The following DIAPH2 variants were observed in gnomAD, a reference collection of about 807,000 sequenced individuals.
DIAPH2 encodes the protein diaphanous related formin 2.
In DIAPH2, 35 loss-of-function variants were observed where a neutral mutation model predicts 92.7. The observed-to-expected ratio is 0.38, with a 90% CI of 0.29 to 0.50. The LOEUF (loss-of-function observed/expected upper bound fraction) is 0.50. DIAPH2 is among the 20% of genes least tolerant of loss of function. The probability of loss-of-function intolerance (pLI) is 0.94; values close to 1 mark genes in which losing one functional copy is unlikely to be tolerated. For missense variants in DIAPH2, 701 were observed against 819.5 expected (o/e 0.86, Z 1.77); for synonymous variants, 301 against 280.4 (o/e 1.07, Z -0.73).
intron 26 of DIAPH2, among the ~76,000 whole-genome samples, chrX:97,493,313 G>A (rs758383796): frequency 9.0e-6 from 1 of 111,031 alleles, no homozygotes; most frequent in South Asian, 3.8e-4. Context: ...CCAGGCTGGA[G>A]TGCAATGGCA....
At chrX:96,746,812 G>A (rs2064153381) in intron 3 of DIAPH2, among the ~76,000 whole-genome samples, 1 of 111,276 alleles carries the variant, frequency 9.0e-6, no homozygotes, top group Non-Finnish European at 1.9e-5. Flanking sequence ...CTCCCAAAGT[G>A]CTGGGGGTTA....
At chrX:97,211,101 C>T (rs1039396786) in intron 22 of DIAPH2, among the ~76,000 whole-genome samples, 1 of 111,646 alleles carries the variant, frequency 9.0e-6, no homozygotes, top group African/African-American at 3.3e-5. Flanking sequence ...AATATACAAA[C>T]TTATACAGTC....
intron 5 of DIAPH2, among the ~76,000 whole-genome samples, chrX:96,902,648 T>C (rs2065405633): frequency 9.0e-6 from 1 of 111,576 alleles, no homozygotes. Context: ...AGTATAAATA[T>C]ATACCGTTTT....
intron 25 of DIAPH2, among the ~76,000 whole-genome samples, chrX:97,418,391 C>T (rs1473071171): frequency 3.6e-5 from 4 of 112,030 alleles, no homozygotes; most frequent in African/African-American, 9.7e-5. Flanking sequence ...TTTTATACTC[C>T]GTGGGCTGCC....
At chrX:97,324,634 C>T (rs2068934491) in intron 23 of DIAPH2, among the ~76,000 whole-genome samples, 1 of 111,400 alleles carries the variant, frequency 9.0e-6, no homozygotes. Context: ...CTGGAAGAAC[C>T]TGCATATAGT....
At chrX:96,962,069 T>C (rs1054233163) in intron 16 of DIAPH2, among the ~76,000 whole-genome samples, 2 of 107,207 alleles carry the variant, frequency 1.9e-5, no homozygotes, top group Non-Finnish European at 3.8e-5. Flanking sequence ...ATCCAATGTT[T>C]ATTTGTTGAT....
intron 22 of DIAPH2, among the ~76,000 whole-genome samples, chrX:97,244,221 G>C (rs184178723): frequency 8.0e-5 from 9 of 111,928 alleles, no homozygotes; most frequent in Admixed American, 7.6e-4. Flanking sequence ...GATTTATTCA[G>C]AATGCAACTT....
chrX:97,208,021 G>A (rs2067811959), intron 22 of DIAPH2, among the ~76,000 whole-genome samples: 1 of 110,933 alleles, frequency 9.0e-6, no homozygotes, highest in Non-Finnish European at 1.9e-5. Flanking sequence ...GCATGGTGGA[G>A]CACATCTCAG....
At chrX:97,409,753 G>A (rs769295685) in intron 25 of DIAPH2, among the ~76,000 whole-genome samples, 17 of 112,360 alleles carry the variant, frequency 1.5e-4, no homozygotes, top group African/African-American at 4.5e-4. Flanking sequence ...CCACGCTCAC[G>A]GAGCCTTGCT....
intron 26 of DIAPH2, among the ~76,000 whole-genome samples, chrX:97,502,152 A>G (rs1370598185): frequency 2.7e-5 from 3 of 112,048 alleles, no homozygotes; most frequent in Non-Finnish European, 5.6e-5. Flanking sequence ...TCTGTTTTGT[A>G]TTGAAATGAA....
chrX:97,507,517 A>C (rs2039350714), intron 26 of DIAPH2, among the ~76,000 whole-genome samples: 1 of 111,542 alleles, frequency 9.0e-6, no homozygotes, highest in Non-Finnish European at 1.9e-5. Flanking sequence ...GGTCCTGATT[A>C]TCTAGCCTCC....
At chrX:97,139,454 T>TA (rs2067195298) in intron 21 of DIAPH2, among the ~76,000 whole-genome samples, 2 of 107,505 alleles carry the variant, frequency 1.9e-5, no homozygotes, top group African/African-American at 3.4e-5. Flanking sequence ...GTTTTTTTTT[T>TA]TAAAAAAAAA....
chrX:97,582,928 C>G (rs2071450628), intron 26 of DIAPH2, among the ~76,000 whole-genome samples: 1 of 111,512 alleles, frequency 9.0e-6, no homozygotes, highest in South Asian at 3.8e-4. Flanking sequence ...TTCATTTCAT[C>G]TTCCATTGCT....
intron 17 of DIAPH2, among the ~76,000 whole-genome samples, chrX:96,985,553 A>G (rs919168344): frequency 9.0e-6 from 1 of 110,801 alleles, no homozygotes; most frequent in Admixed American, 9.6e-5. Flanking sequence ...TATATAAGGA[A>G]TGATTCAGAA....
At chrX:96,796,173 G>T (rs998692370) in intron 4 of DIAPH2, among the ~76,000 whole-genome samples, 6 of 110,101 alleles carry the variant, frequency 5.4e-5, no homozygotes, top group East Asian at 2.8e-4. Flanking sequence ...TTTATTTTTA[G>T]TTTTGTTTTG....
intron 23 of DIAPH2, among the ~76,000 whole-genome samples, chrX:97,314,960 A>G (rs1052754473): frequency 1.8e-5 from 2 of 111,862 alleles, no homozygotes; most frequent in Non-Finnish European, 3.8e-5. Flanking sequence ...TCACTCCCCC[A>G]GACCAGCCTG....
chrX:97,317,404 G>T (rs2068849183), intron 23 of DIAPH2, among the ~76,000 whole-genome samples: 1 of 111,968 alleles, frequency 8.9e-6, no homozygotes, highest in Non-Finnish European at 1.9e-5. Flanking sequence ...GCAGAATTAA[G>T]ACTTGAAACA....
In DIAPH2 at chrX:96,848,700, C is replaced by T. The variant is rs146465376; in HGVS notation, c.448-32879C>T. ...TTCAGGCTGTTGTAAGTGAATTGAC[C>T]ATTTGCTCAAAATCAGTGAACATTA... On this transcript the variant is annotated intron_variant, in intron 4 of 26. Transcript: ENST00000324765. Among the ~76,000 whole-genome samples the T allele has an allele frequency of 4.5e-5, 5 of 111,999 alleles. No individual in the cohort carries two copies. The East Asian group carries it at 1.4e-3, about 31-fold the overall frequency.
At chrX:97,316,693 A>G (rs1168815809) in intron 23 of DIAPH2, among the ~76,000 whole-genome samples, 1 of 111,692 alleles carries the variant, frequency 9.0e-6, no homozygotes, top group Non-Finnish European at 1.9e-5. Flanking sequence ...GGTAGGCAGC[A>G]TAAGCAATTT....
Sources: gnomAD v4.1 joint callset for allele counts (sites outside exome capture counted in the v4.1 genomes callset) on GRCh38, gnomAD v4.1.1 for gene constraint, MANE v1.5 for transcripts, NCBI Gene and HGNC (gene_info 2026-07-23, HGNC 2026-07-21) for gene names.